Variants in CCDC175 observed in about 807,000 individuals in gnomAD.
CCDC175 encodes coiled-coil domain containing 175, also known as coiled-coil domain-containing protein 175.
Under a neutral mutation model 114.6 loss-of-function variants are expected in CCDC175, and 100 were observed. That is an observed-to-expected ratio of 0.87 (90% confidence interval 0.74 to 1.03). The LOEUF is 1.03. CCDC175 is among the 50% of genes least tolerant of loss of function. CCDC175 has a pLI of 0.00. For synonymous variants in CCDC175, 306 were observed against 308.7 expected (o/e 0.99, Z 0.09); for missense variants, 880 against 917.8 (o/e 0.96, Z 0.53).
At chr14:59,546,415 T>C (rs569505110) in intron 8 of CCDC175, among the ~76,000 whole-genome samples, 3 of 152,234 alleles carry the variant, frequency 2.0e-5, no homozygotes, top group African/African-American at 7.2e-5. Flanking sequence ...ATCTCAGCAT[T>C]ATGCAATATA....
chr14:59,517,328 G>A (rs1190442977), intron 17 of CCDC175, among the ~76,000 whole-genome samples: 1 of 152,162 alleles, frequency 6.6e-6, no homozygotes, highest in Non-Finnish European at 1.5e-5. Context: ...AGGGCAATCA[G>A]GCAGGAGAAG....
chr14:59,508,399 TACACACACACA>T (rs1892550108), intron 19 of CCDC175, among the ~76,000 whole-genome samples: 1 of 97,350 alleles, frequency 1.0e-5, no homozygotes, highest in South Asian at 4.6e-4. Context: ...GTCTCCAAAA[TACACACACACA>T]CACACACACA....
At chr14:59,514,852 G>A (rs1892977884) in intron 17 of CCDC175, among the ~76,000 whole-genome samples, 2 of 152,124 alleles carry the variant, frequency 1.3e-5, no homozygotes, top group South Asian at 4.1e-4. Flanking sequence ...GCAACTCCAA[G>A]ACACATAATT....
rs571329034 is a variant in CCDC175 at position 59,553,633 on chromosome 14, A to G, written c.954-2197T>C. On this transcript the variant is annotated intron_variant, in intron 7 of 19. Transcript: ENST00000537690. ...ACAACAATATTAACCTTAAATGTAA[A>G]TGGGCTAAATGCTCCAATTAAAAGA... 2.0e-5 allele frequency among the ~76,000 whole-genome samples: 3 copies of G among 152,362 alleles called. No individual in the cohort carries two copies. In the East Asian group the frequency reaches 5.8e-4, roughly 29 times the overall value.
Position 59,505,281 on chromosome 14 carries a change from G to A in CCDC175, c.2340C>T (p.Phe780=). ...TTTTCTCAGTACATTTAACCACTGG[G>A]AAATGAACCCTTGTACGAATGTGTT... is the stretch of plus-strand genomic sequence containing the variant. ...KKKHIRTRVH[F]PVVKCTEKNT... Residue 780 remains phenylalanine, a synonymous_variant, in exon 20 of 20, where the codon TTC becomes TTT. Coordinates refer to ENST00000537690, the MANE Select transcript of CCDC175 (RefSeq NM_001164399.2). The A allele has an allele frequency of 1.3e-6, 2 of 1,509,510 alleles. No individual in the cohort carries two copies. The highest frequency in any genetic ancestry group is 1.3e-5 in the South Asian group (1 of 79,602). 93.5% of individuals were successfully genotyped at this position (1,509,510 alleles called of 1,614,324 possible). A position where few individuals can be genotyped will look rare whatever the true frequency, so the allele number is the denominator to read the frequency against.
chr14:59,527,188 G>GA lies in CCDC175; in HGVS notation c.1763-15dup. On this transcript the variant is annotated splice_polypyrimidine_tract_variant and intron_variant, in intron 14 of 19. Coordinates refer to ENST00000537690, the MANE Select transcript of CCDC175 (RefSeq NM_001164399.2). The stretch of plus-strand genomic sequence containing the variant: ...CCTGTCTTTGTGCTATTAAAACAAA[G>GA]AAAAAAATAACTACCTCAAAAATTT... The GA allele has an allele frequency of 2.2e-6, 3 of 1,364,618 alleles. No homozygotes were observed. The highest frequency in any genetic ancestry group is 2.9e-6 in the Non-Finnish European group (3 of 1,033,900). The allele number at this position is 1,364,618 out of a possible 1,614,324, so 84.5% of individuals were successfully genotyped here.
intron 7 of CCDC175, among the ~76,000 whole-genome samples, chr14:59,560,145 A>G (rs953482212): frequency 2.0e-5 from 3 of 152,122 alleles, no homozygotes; most frequent in African/African-American, 7.2e-5. Context: ...GAAGATAAAG[A>G]TTATTGCCTA....
chr14:59,569,981 G>T (rs1347787388), intron 3 of CCDC175, among the ~76,000 whole-genome samples: 1 of 152,162 alleles, frequency 6.6e-6, no homozygotes, highest in African/African-American at 2.4e-5. Flanking sequence ...GAGAGGCTGC[G>T]TCTCATTAGA....
chr14:59,514,416 G>GA (rs969466044), intron 17 of CCDC175, among the ~76,000 whole-genome samples: 2 of 151,900 alleles, frequency 1.3e-5, no homozygotes, highest in African/African-American at 2.4e-5. Context: ...TAAAAACCTT[G>GA]AAAAAAAATT....
At chr14:59,510,045 C>G (rs17834172) in intron 19 of CCDC175, among the ~76,000 whole-genome samples, 5,276 of 152,268 alleles carry the variant, frequency 0.035, 156 homozygotes, top group Middle Eastern at 0.1. Context: ...ACTGGGACCT[C>G]TGGGCTGTAC....
At chr14:59,514,278 C>CTCCATT (rs1892931576) in intron 17 of CCDC175, among the ~76,000 whole-genome samples, 2 of 152,156 alleles carry the variant, frequency 1.3e-5, no homozygotes, top group Admixed American at 1.3e-4. Flanking sequence ...TCCAAAGGAA[C>CTCCATT]GCAGCTCCTC....
At chr14:59,509,745 AG>A (rs1357670367) in intron 19 of CCDC175, among the ~76,000 whole-genome samples, 1 of 152,142 alleles carries the variant, frequency 6.6e-6, no homozygotes, top group African/African-American at 2.4e-5. Context: ...CTTGGTCTCA[AG>A]CAATCCTCCT....
At chr14:59,536,742 T>A (rs1894422090) in intron 13 of CCDC175, among the ~76,000 whole-genome samples, 1 of 152,184 alleles carries the variant, frequency 6.6e-6, no homozygotes, top group Non-Finnish European at 1.5e-5. Flanking sequence ...TGCTATTAAA[T>A]TATTTTTTTA....
At chr14:59,554,265 C>T (rs1389816614) in intron 7 of CCDC175, among the ~76,000 whole-genome samples, 1 of 152,202 alleles carries the variant, frequency 6.6e-6, no homozygotes, top group Admixed American at 6.5e-5. Flanking sequence ...AACAAACTGT[C>T]TCTCAGAACA....
At chr14:59,559,343 C>G (rs920355399) in intron 7 of CCDC175, among the ~76,000 whole-genome samples, 16 of 152,130 alleles carry the variant, frequency 1.1e-4, no homozygotes, top group African/African-American at 3.9e-4. Flanking sequence ...GAACAAGGAT[C>G]AAACTGCAGT....
At chr14:59,514,286 C>T (rs1450108454) in intron 17 of CCDC175, among the ~76,000 whole-genome samples, 1 of 152,174 alleles carries the variant, frequency 6.6e-6, no homozygotes, top group African/African-American at 2.4e-5. Flanking sequence ...AACGCAGCTC[C>T]TCACCAGCAA....
intron 10 of CCDC175, among the ~76,000 whole-genome samples, chr14:59,541,405 C>T (rs1894779041): frequency 3.3e-5 from 5 of 152,178 alleles, no homozygotes; most frequent in Admixed American, 3.3e-4. Flanking sequence ...CCCAGCCCCG[C>T]CTTTTCCCTA....
Position 59,538,007 on chromosome 14 carries a change from G to T in CCDC175, c.1623+16C>A. On this transcript the variant is annotated intron_variant, in intron 13 of 19. Coordinates refer to ENST00000537690, the MANE Select transcript of CCDC175 (RefSeq NM_001164399.2). ...TAGTCATCCAAAAGTATTCTTAGAT[G>T]CAAAATAAAATTTACCTCATACTTG... 6.7e-7 allele frequency: 1 copy of T among 1,500,732 alleles called. No individual in the cohort carries two copies. The highest frequency in any genetic ancestry group is 8.9e-7 in the Non-Finnish European group (1 of 1,117,702). 93.0% of individuals were successfully genotyped at this position (1,500,732 alleles called of 1,614,324 possible).
Position 59,561,194 on chromosome 14 carries a change from A to T in CCDC175, c.878T>A (p.Leu293Gln), listed in dbSNP as rs1213064616. 1 of 1,535,264 alleles carries T rather than the reference A, an allele frequency of 6.5e-7. No homozygotes were observed. The highest frequency in any genetic ancestry group is 8.7e-7 in the Non-Finnish European group (1 of 1,145,418). The change falls in exon 7 of 20, where the codon CTA becomes CAA. Residue 293 changes from leucine to glutamine, a missense_variant. Leu to Gln is a moderately radical substitution (Grantham distance 113). Coordinates refer to ENST00000537690, the MANE Select transcript of CCDC175 (RefSeq NM_001164399.2). ...TTCCCAATACCTTATTGATTCGTGT[A>T]GTCGTGCTATCTCTAAATTGTGATC... ...LSDHNLEIAR[L>Q]HESIRYWEQE...
Sources: allele counts gnomAD v4.1 joint callset (sites outside exome capture counted in the v4.1 genomes callset), GRCh38; gene constraint gnomAD v4.1.1; transcripts MANE v1.5; gene names NCBI Gene and HGNC (gene_info 2026-07-23, HGNC 2026-07-21).